SOX13: variants seen among roughly 807,000 people sequenced by gnomAD.
SOX13 encodes the protein SRY-box transcription factor 13, also known as transcription factor SOX-13.
SOX13 carries 28 observed loss-of-function variants against 71.8 expected under a neutral mutation model. The observed-to-expected ratio is 0.39, with a 90% confidence interval of 0.29 to 0.53. The LOEUF is 0.53. Among genes scored for constraint, SOX13 ranks in the 20% least tolerant of loss-of-function variants. SOX13 has a pLI of 0.70. For synonymous variants in SOX13, 309 were observed against 317.8 expected (o/e 0.97, Z 0.29); for missense variants, 627 against 810.3 (o/e 0.77, Z 2.75).
intron 1 of SOX13, among the ~76,000 whole-genome samples, chr1:204,094,831 C>G (rs772982239): frequency 6.6e-5 from 10 of 152,142 alleles, no homozygotes; most frequent in Non-Finnish European, 1.3e-4. Flanking sequence ...TCAAATGAAC[C>G]TTAGGGCTAG....
At chr1:204,095,825 C>T (rs1656240723) in intron 1 of SOX13, among the ~76,000 whole-genome samples, 1 of 152,160 alleles carries the variant, frequency 6.6e-6, no homozygotes, top group Non-Finnish European at 1.5e-5. Context: ...CAATAGCGTC[C>T]CCTTCCTCTC....
At chr1:204,113,562 CAA>C (rs1434157761) in intron 2 of SOX13, among the ~76,000 whole-genome samples, 3 of 152,094 alleles carry the variant, frequency 2.0e-5, no homozygotes, top group Admixed American at 6.5e-5. Flanking sequence ...CTTAAAAAAA[CAA>C]GAGAATTGAG....
At chr1:204,089,597 G>A (rs2102230355) in intron 1 of SOX13, among the ~76,000 whole-genome samples, 1 of 152,336 alleles carries the variant, frequency 6.6e-6, no homozygotes, top group South Asian at 2.1e-4. Flanking sequence ...TGGTGCACAA[G>A]CAAAACAACC....
chr1:204,104,918 A>C (rs1164461192), intron 1 of SOX13, among the ~76,000 whole-genome samples: 1 of 152,088 alleles, frequency 6.6e-6, no homozygotes, highest in Non-Finnish European at 1.5e-5. Flanking sequence ...CCAATCCAAC[A>C]GGGTCAGTTG....
intron 1 of SOX13, among the ~76,000 whole-genome samples, chr1:204,089,813 C>T (rs1471086734): frequency 1.3e-5 from 2 of 152,212 alleles, no homozygotes; most frequent in Non-Finnish European, 2.9e-5. Context: ...CCTGGAGGTG[C>T]GTCCCTTATC....
chr1:204,120,415 A>G (rs1315459575), intron 7 of SOX13, among the ~76,000 whole-genome samples: 1 of 152,246 alleles, frequency 6.6e-6, no homozygotes, highest in Non-Finnish European at 1.5e-5. Context: ...GCTGCCTCCC[A>G]CTTTGTTTGC....
intron 4 of SOX13, among the ~76,000 whole-genome samples, chr1:204,115,013 G>A (rs965582943): frequency 6.7e-6 from 1 of 150,210 alleles, no homozygotes; most frequent in African/African-American, 2.5e-5. Context: ...TCCTTAGAGT[G>A]ATTTTTTTTT....
At chr1:204,079,785 G>A (rs1355255109) in intron 1 of SOX13, among the ~76,000 whole-genome samples, 1 of 152,218 alleles carries the variant, frequency 6.6e-6, no homozygotes, top group African/African-American at 2.4e-5. Flanking sequence ...GCACATTGTG[G>A]TGCTGTCAGG....
chr1:204,121,882 T>C lies in SOX13; in HGVS notation c.776-18T>C, dbSNP rs1219414555. 3 of 1,590,022 alleles carry C rather than the reference T, an allele frequency of 1.9e-6. No homozygotes were observed. Reference sequence around the variant, plus strand: ...CTGTGCTCATCCAGGACTTTTCTCCTTGCTGCCTTTTCCATAGTGGAGTAT... The same window carrying C: ...CTGTGCTCATCCAGGACTTTTCTCCCTGCTGCCTTTTCCATAGTGGAGTAT... On this transcript the variant is annotated intron_variant, in intron 7 of 13. Transcript: ENST00000367204.
In SOX13 at chr1:204,112,936, C is replaced by T; in HGVS notation, c.21C>T (p.Ile7=). 1 of 1,613,686 alleles carries T rather than the reference C, an allele frequency of 6.2e-7. No homozygotes were observed. The highest frequency in any genetic ancestry group is 8.5e-7 in the Non-Finnish European group (1 of 1,179,836). ...CCAGGATGTCCATGAGGAGCCCCAT[C>T]TCTGCCCAGCTGGCCCTGGATGGCG... MSMRSP[I]SAQLALDGVG... The change falls in exon 2 of 14, where the codon ATC becomes ATT. Residue 7 remains isoleucine, a synonymous_variant. Coordinates refer to ENST00000367204, the MANE Select transcript of SOX13 (RefSeq NM_005686.3).
At position 204,081,860 on chromosome 1, in the gene SOX13, G is replaced by A. The variant is rs77759065; in HGVS notation, c.-2+8149G>A. On this transcript the variant is annotated intron_variant, in intron 1 of 13. Coordinates refer to ENST00000367204, the MANE Select transcript of SOX13 (RefSeq NM_005686.3). This position sits in a 1 kb window ranked among gnomAD's most constrained non-coding sequence, Gnocchi z 4.3. ...GTTTTGGTTCTGGCCTGTTCCATGA[G>A]GGTGGGGTAGGGTGGGGAAAGAAGG... 0.028 allele frequency among the ~76,000 whole-genome samples: 4,258 copies of A among 152,174 alleles called. 189 individuals carry two copies. Among genetic ancestry groups the A allele is most frequent in the African/African-American group, 0.095 (3,931 of 41,462 alleles).
At chr1:204,085,246 T>G (rs1558210436) in intron 1 of SOX13, among the ~76,000 whole-genome samples, 2 of 152,116 alleles carry the variant, frequency 1.3e-5, no homozygotes, top group African/African-American at 2.4e-5. Flanking sequence ...AGCCAGACTG[T>G]CTGTGTGATC....
At chr1:204,093,600 C>T (rs1037967901) in intron 1 of SOX13, among the ~76,000 whole-genome samples, 5 of 152,192 alleles carry the variant, frequency 3.3e-5, no homozygotes, top group Non-Finnish European at 7.3e-5. Context: ...CTGGCTGTCC[C>T]CTTGGCACCC....
intron 1 of SOX13, among the ~76,000 whole-genome samples, chr1:204,098,933 C>T (rs772115373): frequency 3.3e-5 from 5 of 152,202 alleles, no homozygotes; most frequent in Non-Finnish European, 7.3e-5. Flanking sequence ...CAGGAGTGAG[C>T]GAAGCTTGTA....
At chr1:204,075,864 G>T (rs1204342086) in intron 1 of SOX13, among the ~76,000 whole-genome samples, 1 of 152,192 alleles carries the variant, frequency 6.6e-6, no homozygotes, top group Non-Finnish European at 1.5e-5. Context: ...GTAAATATGA[G>T]CTATTATTGC....
chr1:204,105,042 G>A (rs1656436317), intron 1 of SOX13, among the ~76,000 whole-genome samples: 1 of 152,134 alleles, frequency 6.6e-6, no homozygotes, highest in Non-Finnish European at 1.5e-5. Flanking sequence ...GGCTGGTTGT[G>A]GGGAGGAGAG....
rs551940158 is a variant in SOX13, at chr1:204,083,716, G to A, written c.-2+10005G>A. ...CTGCGGGGGCCTTCTCTGGTCCTCC[G>A]TCCCTGAGGCAGGTATGTAGGGAGC... On this transcript the variant is annotated intron_variant, in intron 1 of 13. Coordinates refer to ENST00000367204, the MANE Select transcript of SOX13 (RefSeq NM_005686.3). 2.6e-5 allele frequency among the ~76,000 whole-genome samples: 4 copies of A among 152,328 alleles called. No individual in the cohort carries two copies. In the South Asian group the frequency reaches 6.2e-4, roughly 24 times the overall value.
chr1:204,112,875 G>T, intron 1 of SOX13, 40 bp from the exon 2 acceptor site: 1 of 1,561,310 alleles, frequency 6.4e-7, no homozygotes, highest in South Asian at 1.1e-5. Context: ...AGAAGTTTAC[G>T]ACTGGGGACT....
chr1:204,078,943 G>A (rs1378427380), intron 1 of SOX13, among the ~76,000 whole-genome samples: 1 of 152,216 alleles, frequency 6.6e-6, no homozygotes, highest in Non-Finnish European at 1.5e-5. Flanking sequence ...AAGAGCACTT[G>A]CTGTATGCCA....
Sources: allele counts gnomAD v4.1 joint callset (sites outside exome capture counted in the v4.1 genomes callset), GRCh38; gene constraint gnomAD v4.1.1; non-coding constraint Gnocchi (gnomAD v3.1); transcripts MANE v1.5; gene names NCBI Gene and HGNC (gene_info 2026-07-23, HGNC 2026-07-21).